The following KIF17 variants were observed in gnomAD, a reference collection of about 807,000 sequenced individuals.
KIF17 encodes the protein kinesin-like protein KIF17.
A neutral mutation model predicts 96.8 loss-of-function variants in KIF17; 80 were observed. The ratio of observed to expected loss-of-function variants is 0.83; its 90% confidence interval spans 0.69 to 1.00. The LOEUF (loss-of-function observed/expected upper bound fraction) is 1.00, where lower values mean the gene tolerates loss of function less well. Ranked by LOEUF, KIF17 falls within the 50% of genes least tolerant of loss-of-function variation. KIF17 has a pLI of 0.00. For missense variants in KIF17, 1,280 were observed against 1,372.9 expected (o/e 0.93, Z 1.07); for synonymous variants, 567 against 587.5 (o/e 0.97, Z 0.51).
At position 20,709,503 on chromosome 1, in the gene KIF17, T is replaced by G; in HGVS notation, c.670+136A>C. ...GGGTCCCAGCATCCCAAGGGTCCTC[T>G]TGGGTTTCCTCCAGGCTGTTAGAGC... is the stretch of plus-strand genomic sequence containing the variant. On this transcript the variant is annotated intron_variant, in intron 4 of 14. Coordinates refer to ENST00000400463, the MANE Select transcript of KIF17 (RefSeq NM_001122819.3). The surrounding 1 kb of genome is among the most constrained non-coding windows in gnomAD (Gnocchi z 4.7). 1.1e-6 allele frequency: 1 copy of G among 931,236 alleles called. No homozygotes were observed. The highest frequency in any genetic ancestry group is 2.0e-5 in the Admixed American group (1 of 51,132). 57.7% of individuals were successfully genotyped at this position (931,236 alleles called of 1,614,324 possible). A position where few individuals can be genotyped will look rare whatever the true frequency, so the allele number is the denominator to read the frequency against.
chr1:20,682,579 G>T, intron 11 of KIF17, 74 bp downstream of exon 11: 1 of 1,281,404 alleles, frequency 7.8e-7, no homozygotes, highest in South Asian at 1.2e-5. Context: ...CCTACAAGGT[G>T]TAGGGATGCC....
rs758175808 is a variant in KIF17 at position 20,713,442 on chromosome 1, G to T, written c.480+12C>A. ...TACCAGCCCCACCTGCCCACAATGG[G>T]TCTGCACCCACCTCCAGCTTCTGCT... On this transcript the variant is annotated intron_variant, in intron 3 of 14. Transcript: ENST00000400463. 5.6e-6 allele frequency: 9 copies of T among 1,605,294 alleles called. No individual in the cohort carries two copies. The East Asian group carries it at 1.8e-4, about 32-fold the overall frequency.
intron 3 of KIF17, 43 bp downstream of exon 3, chr1:20,713,411 C>T (rs865992528): frequency 2.8e-6 from 4 of 1,443,038 alleles, no homozygotes; most frequent in Middle Eastern, 1.9e-4. Flanking sequence ...ATGCCAACCT[C>T]CCCCCTACCA....
intron 14 of KIF17, 141 bp downstream of exon 14, chr1:20,666,073 C>T (rs2053521707): frequency 2.7e-6 from 2 of 753,148 alleles, no homozygotes; most frequent in Non-Finnish European, 4.8e-6. Flanking sequence ...TGGTGTTACC[C>T]CCCTCATTTT....
intron 5 of KIF17, among the ~76,000 whole-genome samples, chr1:20,703,196 T>TGGAC (rs1370658069): frequency 1.7e-5 from 2 of 118,530 alleles, no homozygotes; most frequent in African/African-American, 7.5e-5. Context: ...GACGGATGGA[T>TGGAC]GGGAGATGGA....
downstream of KIF17, among the ~76,000 whole-genome samples, chr1:20,663,494 C>T (rs974821457): frequency 9.2e-5 from 14 of 152,208 alleles, no homozygotes; most frequent in Admixed American, 3.3e-4. Flanking sequence ...CACATTAACC[C>T]TGTGAGGTGG....
downstream of KIF17, among the ~76,000 whole-genome samples, chr1:20,661,761 T>C (rs2053440409): frequency 6.6e-6 from 1 of 152,238 alleles, no homozygotes; most frequent in Non-Finnish European, 1.5e-5. Context: ...GACAGGGTGT[T>C]TGGCCACCTT....
rs2053495417 is a variant in KIF17, at chr1:20,664,744, G to A, written c.2927C>T (p.Pro976Leu). Residue 976 changes from proline (P) to leucine (L), a missense_variant, in exon 15 of 15, where the codon CCA becomes CTA. Physicochemically the swap from Pro to Leu is moderately conservative, Grantham distance 98. Coordinates refer to ENST00000400463, the MANE Select transcript of KIF17 (RefSeq NM_001122819.3). ...RKSLTHHNSPPGLSCPLSNNS... is the reference protein window; with the variant it reads ...RKSLTHHNSPLGLSCPLSNNS... The stretch of plus-strand genomic sequence containing the variant: ...GTTGCTGAGTGGGCAGCTGAGGCCT[G>A]GTGGCGAGTTGTGATGTGCTGTGGG... The A allele has an allele frequency of 1.2e-6, 2 of 1,612,104 alleles. No individual in the cohort carries two copies. The highest frequency in any genetic ancestry group is 4.5e-5 in the East Asian group (2 of 44,874).
chr1:20,683,209 G>A (rs1481905697), intron 10 of KIF17, among the ~76,000 whole-genome samples: 1 of 152,196 alleles, frequency 6.6e-6, no homozygotes, highest in Non-Finnish European at 1.5e-5. Context: ...TGTGTCTAAG[G>A]CCACTGGCAT....
chr1:20,684,296 A>C (rs934771799), intron 10 of KIF17, among the ~76,000 whole-genome samples: 2 of 152,232 alleles, frequency 1.3e-5, no homozygotes, highest in African/African-American at 4.8e-5. Flanking sequence ...GGCCTCTGGG[A>C]CTGGGTCTCC....
intron 3 of KIF17, among the ~76,000 whole-genome samples, chr1:20,710,871 G>A (rs2054423416): frequency 6.6e-6 from 1 of 152,132 alleles, no homozygotes; most frequent in Admixed American, 6.5e-5. Flanking sequence ...CTGTTTGTTA[G>A]TGGGGTCATA....
At chr1:20,710,989 G>A (rs755850273) in intron 3 of KIF17, among the ~76,000 whole-genome samples, 49 of 152,074 alleles carry the variant, frequency 3.2e-4, no homozygotes, top group Non-Finnish European at 6.0e-4. Context: ...GGCAGGTCTC[G>A]GCCCAGGCGG....
At position 20,717,815 on chromosome 1, in the gene KIF17, C is replaced by CT; in HGVS notation, c.-110dup. The CT allele has an allele frequency of 1.6e-6, 2 of 1,235,746 alleles. No individual in the cohort carries two copies. Among genetic ancestry groups the CT allele is most frequent in the African/African-American group, 3.2e-5 (2 of 62,196 alleles). The allele number at this position is 1,235,746 out of a possible 1,614,324, so 76.5% of individuals were successfully genotyped here. A position where few individuals can be genotyped will look rare whatever the true frequency, so the allele number is the denominator to read the frequency against. Reference sequence around the variant, plus strand: ...CAGCGCCGGCCACGGGGGGCGGGGCCTTGAGGCAGGGGCGGGGCCGCGGCG... The same window carrying CT: ...CAGCGCCGGCCACGGGGGGCGGGGCCTTTGAGGCAGGGGCGGGGCCGCGGCG... On this transcript the variant is annotated 5_prime_UTR_variant, in exon 1 of 15. Coordinates refer to ENST00000400463, the MANE Select transcript of KIF17 (RefSeq NM_001122819.3).
At chr1:20,701,204 C>T (rs887638860) in intron 5 of KIF17, among the ~76,000 whole-genome samples, 4 of 152,122 alleles carry the variant, frequency 2.6e-5, no homozygotes, top group African/African-American at 7.2e-5. Context: ...GAGGCTGAGG[C>T]GGGCGAATCA....
chr1:20,670,407 C>G lies in KIF17; in HGVS notation c.2790+14G>C, dbSNP rs1206766102. The G allele has an allele frequency of 1.9e-6, 3 of 1,613,014 alleles. No homozygotes were observed. The South Asian group carries it at 3.3e-5, about 18-fold the overall frequency. ...CAGCCCCCGACACCCCACTCCCTCT[C>G]CCGCGGTCCTCACCATGTTCGGCTC... On this transcript the variant is annotated intron_variant, in intron 13 of 14. Transcript: ENST00000400463.
chr1:20,683,314 T>C (rs2053866383), intron 10 of KIF17, among the ~76,000 whole-genome samples: 1 of 152,206 alleles, frequency 6.6e-6, no homozygotes, highest in African/African-American at 2.4e-5. Context: ...GTTAAGACTA[T>C]TTATGTCCAA....
intron 11 of KIF17, among the ~76,000 whole-genome samples, chr1:20,677,845 G>A (rs1418925018): frequency 6.6e-6 from 1 of 152,242 alleles, no homozygotes; most frequent in Non-Finnish European, 1.5e-5. Flanking sequence ...AACAGAGCGA[G>A]ACTCCGTCTC....
intron 13 of KIF17, 130 bp from the exon 14 acceptor site, chr1:20,666,461 C>T (rs1229062408): frequency 3.8e-6 from 3 of 795,642 alleles, no homozygotes; most frequent in Non-Finnish European, 4.5e-6. Context: ...AGGGCTGGAG[C>T]AGGCACTGCC....
intron 1 of KIF17, among the ~76,000 whole-genome samples, chr1:20,716,406 C>T (rs1470619260): frequency 2.0e-5 from 3 of 152,236 alleles, no homozygotes; most frequent in Non-Finnish European, 1.5e-5. Flanking sequence ...TGGACACGTA[C>T]AGGTGATTCT....
Sources: gnomAD v4.1 joint callset for allele counts (sites outside exome capture counted in the v4.1 genomes callset) on GRCh38, gnomAD v4.1.1 for gene constraint, Gnocchi (gnomAD v3.1) non-coding constraint, MANE v1.5 for transcripts, NCBI Gene and HGNC (gene_info 2026-07-23, HGNC 2026-07-21) for gene names.